The following CACNA1C variants were observed in gnomAD, a reference collection of about 807,000 sequenced individuals.
The protein encoded by CACNA1C is calcium voltage-gated channel subunit alpha1 C.
A neutral mutation model predicts 229.0 loss-of-function variants in CACNA1C; 30 were observed. The ratio of observed to expected loss-of-function variants is 0.13; its 90% CI spans 0.10 to 0.18. The LOEUF is 0.18. Ranked by LOEUF, CACNA1C falls within the 10% of genes least tolerant of loss-of-function variation. The pLI is 1.00. For synonymous variants in CACNA1C, 1,114 were observed against 1,132.5 expected, an observed-to-expected ratio of 0.98 and a Z score of 0.33; for missense variants, 1,658 against 2,845.0, an observed-to-expected ratio of 0.58 and a Z score of 9.49.
chr12:2,374,814 G>A (rs1192501076), intron 3 of CACNA1C, among the ~76,000 whole-genome samples: 1 of 152,208 alleles, frequency 6.6e-6, no homozygotes, highest in Non-Finnish European at 1.5e-5. Flanking sequence ...AACCAGCACA[G>A]CCGGGAAAGC....
At chr12:2,301,086 C>T (rs1343912115) in intron 3 of CACNA1C, among the ~76,000 whole-genome samples, 11 of 152,160 alleles carry the variant, frequency 7.2e-5, no homozygotes. Flanking sequence ...TGTCGTGAGC[C>T]GGTCCTCAGG....
At position 2,651,840 on chromosome 12, in the gene CACNA1C, A is replaced by T; in HGVS notation, c.4074+72A>T. 2.4e-6 allele frequency: 3 copies of T among 1,244,690 alleles called. No individual in the cohort carries two copies. The highest frequency in any genetic ancestry group is 1.5e-5 in the South Asian group (1 of 68,486). 77.1% of individuals were successfully genotyped at this position (1,244,690 alleles called of 1,614,324 possible). ...GCGTGGCCCAGAACACAGCTGACAC[A>T]AGGAGGAGCCCTCCACTCTGGGGCC... On this transcript the variant is annotated intron_variant, in intron 32 of 46. Transcript: ENST00000399655. The surrounding 1 kb of genome is among the most constrained non-coding windows in gnomAD (Gnocchi z 5.4).
intron 1 of CACNA1C, among the ~76,000 whole-genome samples, chr12:1,989,883 C>T (rs933417623): frequency 2.0e-5 from 3 of 152,170 alleles, no homozygotes; most frequent in Non-Finnish European, 2.9e-5. Context: ...TGGTCTAATT[C>T]AGCTTTTTGT....
intron 3 of CACNA1C, among the ~76,000 whole-genome samples, chr12:2,402,518 C>T (rs2098691422): frequency 6.6e-6 from 1 of 152,242 alleles, no homozygotes; most frequent in East Asian, 1.9e-4. Flanking sequence ...CACTCTGCCA[C>T]TTGCTGCTGT....
In CACNA1C at chr12:2,058,531, T is replaced by A. The variant is rs115502206; in HGVS notation, c.49+4920T>A. ...GTGGAGGAGAACAGAAGATTGGTTT[T>A]AAAAAAAAAGGCATGGGGAATTGTT... On this transcript the variant is annotated intron_variant, in intron 1 of 46. Transcript: ENST00000399655. 3.7e-3 allele frequency among the ~76,000 whole-genome samples: 561 copies of A among 151,396 alleles called. 2 individuals are homozygous for A. The highest frequency in any genetic ancestry group is 0.013 in the African/African-American group (532 of 41,314).
At chr12:2,659,653 G>A (rs967103728) in intron 34 of CACNA1C, among the ~76,000 whole-genome samples, 1 of 152,012 alleles carries the variant, frequency 6.6e-6, no homozygotes, top group Non-Finnish European at 1.5e-5. Flanking sequence ...CTAATAGATG[G>A]GGAAAAGAAT....
In CACNA1C at chr12:2,115,387, G is replaced by T; in HGVS notation, c.213G>T (p.Ala71=). 6.2e-7 allele frequency: 1 copy of T among 1,609,786 alleles called. No individual in the cohort carries two copies. Among genetic ancestry groups the T allele is most frequent in the East Asian group, 2.2e-5 (1 of 44,802 alleles). The change falls in exon 2 of 47, where the codon GCG becomes GCT. Residue 71 remains alanine, a synonymous_variant. Coordinates refer to ENST00000399655, the MANE Select transcript of CACNA1C (RefSeq NM_000719.7). ...AGCTGATGGGCAGCGCTGGCAATGC[G>T]ACCATCTCCACAGTCAGCTCCACGC... ...QAKLMGSAGN[A]TISTVSSTQR...
chr12:1,983,225 G>GT (rs57856032), intron 1 of CACNA1C, among the ~76,000 whole-genome samples: 43,339 of 150,824 alleles, frequency 0.29, 6,435 homozygotes, highest in East Asian at 0.43. Context: ...TCTCTAAACA[G>GT]TTTTTTTGTT....
chr12:2,238,542 T>C (rs995776308), intron 3 of CACNA1C, among the ~76,000 whole-genome samples: 8 of 152,204 alleles, frequency 5.3e-5, no homozygotes, highest in Non-Finnish European at 1.0e-4. Flanking sequence ...TCTGTCAGTC[T>C]GACTTTCTTG....
chr12:2,117,500 C>CA (rs2084452658), intron 2 of CACNA1C, among the ~76,000 whole-genome samples: 1 of 152,198 alleles, frequency 6.6e-6, no homozygotes, highest in Non-Finnish European at 1.5e-5. Context: ...AGGTCAGGCA[C>CA]CCCTGAGAGA....
At chr12:2,085,323 A>T (rs1383669450) in intron 1 of CACNA1C, among the ~76,000 whole-genome samples, 3 of 152,236 alleles carry the variant, frequency 2.0e-5, no homozygotes, top group Non-Finnish European at 4.4e-5. Flanking sequence ...TGGTAGGATT[A>T]TGACTTTCAA....
intron 38 of CACNA1C, among the ~76,000 whole-genome samples, chr12:2,671,848 A>G (rs569410960): frequency 1.3e-5 from 2 of 152,276 alleles, no homozygotes; most frequent in South Asian, 4.2e-4. Flanking sequence ...CAGCTACCAA[A>G]GGGCCCGAAA....
At chr12:2,150,201 A>G (rs111953492) in intron 3 of CACNA1C, among the ~76,000 whole-genome samples, 12 of 152,342 alleles carry the variant, frequency 7.9e-5, no homozygotes, top group African/African-American at 2.4e-4. Context: ...TGGAGCTTGC[A>G]GGATAAGCCC....
intron 1 of CACNA1C, among the ~76,000 whole-genome samples, chr12:1,989,586 C>T (rs1030535635): frequency 1.1e-4 from 16 of 152,246 alleles, no homozygotes; most frequent in Middle Eastern, 6.8e-3. Context: ...TGGTGCCATA[C>T]ACCTATAATC....
intron 3 of CACNA1C, among the ~76,000 whole-genome samples, chr12:2,203,151 A>G (rs890984533): frequency 2.0e-5 from 3 of 152,314 alleles, no homozygotes; most frequent in Admixed American, 6.5e-5. Flanking sequence ...CATGAAGGGA[A>G]GTGCCTGCAA....
intron 3 of CACNA1C, among the ~76,000 whole-genome samples, chr12:2,244,278 T>C (rs1353172395): frequency 6.6e-6 from 1 of 152,248 alleles, no homozygotes; most frequent in Non-Finnish European, 1.5e-5. Flanking sequence ...GGACGTCAGC[T>C]GCCTGCTGTG....
At chr12:2,581,470 G>A in intron 13 of CACNA1C, 120 bp from the exon 14 acceptor site, 4 of 908,656 alleles carry the variant, frequency 4.4e-6, no homozygotes, top group Non-Finnish European at 6.5e-6. Context: ...CCACGGGCAG[G>A]GAAAAAGAGC....
intron 3 of CACNA1C, among the ~76,000 whole-genome samples, chr12:2,425,065 C>G (rs1479821161): frequency 6.6e-6 from 1 of 152,276 alleles, no homozygotes; most frequent in Non-Finnish European, 1.5e-5. Context: ...GGGGCTAATG[C>G]AGGCCCTGGC....
Position 2,136,788 on chromosome 12 carries a change from G to C in CACNA1C, c.477+16358G>C, listed in dbSNP as rs7973233. 6.0e-4 allele frequency among the ~76,000 whole-genome samples: 91 copies of C among 151,454 alleles called. 2 individuals carry two copies. Among genetic ancestry groups the C allele is most frequent in the African/African-American group, 2.2e-3 (90 of 41,508 alleles). Reference sequence around the variant, plus strand: ...GGCTTTGAGGCCATATTTTCCCAGGGATCAGTGATTCATATTACCTGAGAT... The same window carrying C: ...GGCTTTGAGGCCATATTTTCCCAGGCATCAGTGATTCATATTACCTGAGAT... On this transcript the variant is annotated intron_variant, in intron 3 of 46. Transcript: ENST00000399655.
Sources: gnomAD v4.1 joint callset for allele counts (sites outside exome capture counted in the v4.1 genomes callset) on GRCh38, gnomAD v4.1.1 for gene constraint, Gnocchi (gnomAD v3.1) non-coding constraint, MANE v1.5 for transcripts, NCBI Gene and HGNC (gene_info 2026-07-23, HGNC 2026-07-21) for gene names.